GFRA3: variants seen among roughly 807,000 people sequenced by gnomAD.
The protein encoded by GFRA3 is GDNF family receptor alpha 3, also known as GDNF family receptor alpha-3.
A neutral mutation model predicts 40.0 loss-of-function variants in GFRA3; 24 were observed. The ratio of observed to expected loss-of-function variants is 0.60; its 90% CI spans 0.43 to 0.84. The LOEUF (loss-of-function observed/expected upper bound fraction) is 0.84. Among genes scored for constraint, GFRA3 ranks in the 40% least tolerant of loss-of-function variants. The pLI is 0.00. For missense variants in GFRA3, 405 were observed against 530.6 expected, an observed-to-expected ratio of 0.76 and a Z score of 2.33; for synonymous variants, 203 against 213.5, an observed-to-expected ratio of 0.95 and a Z score of 0.43.
intron 3 of GFRA3, among the ~76,000 whole-genome samples, chr5:138,259,107 C>T (rs1392508836): frequency 6.6e-6 from 1 of 152,150 alleles, no homozygotes; most frequent in African/African-American, 2.4e-5. Context: ...CCTGAGTCAC[C>T]CCGTGCAGAG....
In GFRA3 at chr5:138,257,855, T is replaced by C. The variant is rs1489878340; in HGVS notation, c.569A>G (p.His190Arg). 1 of 1,613,826 alleles carries C rather than the reference T, an allele frequency of 6.2e-7. No individual in the cohort carries two copies. Among genetic ancestry groups the C allele is most frequent in the Admixed American group, 1.7e-5 (1 of 59,998 alleles). The change falls in exon 4 of 8, where the codon CAC becomes CGC. Residue 190 changes from histidine (H) to arginine (R), a missense_variant. Coordinates refer to ENST00000274721, the MANE Select transcript of GFRA3 (RefSeq NM_001496.4). ...KAYGEACSGP[H>R]CQRHVCLRQL... ...CCTGAGGCAGACGTGGCGCTGGCAG[T>C]GGGGCCCGGAGCACGCCTCCCCGTA...
At chr5:138,270,781 A>G (rs569165718) in intron 1 of GFRA3, among the ~76,000 whole-genome samples, 61 of 152,266 alleles carry the variant, frequency 4.0e-4, no homozygotes, top group Admixed American at 1.2e-3. Context: ...ATAATTTTAC[A>G]TGTACAAGAT....
At chr5:138,259,790 C>G in intron 2 of GFRA3, 141 bp from the exon 3 acceptor site, 1 of 672,196 alleles carries the variant, frequency 1.5e-6, no homozygotes. Flanking sequence ...GCAAGCTGTG[C>G]AAAGATGAGA....
intron 1 of GFRA3, among the ~76,000 whole-genome samples, chr5:138,269,499 G>A (rs1157756075): frequency 6.6e-6 from 1 of 150,830 alleles, no homozygotes; most frequent in Non-Finnish European, 1.5e-5. Context: ...TCAAGCCATT[G>A]CACTGAAGCC....
chr5:138,273,930 C>T (rs1755911664), intron 1 of GFRA3, among the ~76,000 whole-genome samples: 1 of 152,164 alleles, frequency 6.6e-6, no homozygotes, highest in African/African-American at 2.4e-5. Flanking sequence ...GTCCTTAAAG[C>T]AGATGGAAGA....
intron 1 of GFRA3, among the ~76,000 whole-genome samples, chr5:138,265,028 A>G (rs1413878321): frequency 6.6e-6 from 1 of 152,100 alleles, no homozygotes; most frequent in Non-Finnish European, 1.5e-5. Flanking sequence ...GGGTTGGGGT[A>G]GAGAGCTAAT....
intron 3 of GFRA3, among the ~76,000 whole-genome samples, chr5:138,258,330 G>A (rs1755664480): frequency 6.6e-6 from 1 of 151,422 alleles, no homozygotes; most frequent in South Asian, 2.1e-4. Context: ...ACACGCATGC[G>A]CCACGACGCC....
rs1177884130 is a variant in GFRA3 at position 138,266,841 on chromosome 5, T to TCAGCTA, written c.92-2299_92-2294dup. ...GGACTACAGGCACCCGCCACAATGC[T>TCAGCTA]CAGCTAATTTTTGTACTTTTAGTAG... On this transcript the variant is annotated intron_variant, in intron 1 of 7. Transcript: ENST00000274721. Among the ~76,000 whole-genome samples, 18 of 151,664 alleles carry TCAGCTA rather than the reference T, an allele frequency of 1.2e-4. No homozygotes were observed. The South Asian group carries it at 3.1e-3, about 26-fold the overall frequency.
At chr5:138,260,964 T>A (rs779844110) in intron 2 of GFRA3, among the ~76,000 whole-genome samples, 20 of 152,144 alleles carry the variant, frequency 1.3e-4, no homozygotes, top group Non-Finnish European at 2.5e-4. Context: ...GAGGCTGCAG[T>A]GAGCTATGAC....
chr5:138,269,758 G>A (rs570629100), intron 1 of GFRA3, among the ~76,000 whole-genome samples: 12 of 145,916 alleles, frequency 8.2e-5, no homozygotes, highest in Middle Eastern at 4.0e-3. Flanking sequence ...CAGGAGAATC[G>A]CTTGAACCTG....
At chr5:138,271,907 T>TGTGTGTGTGTGAG in intron 1 of GFRA3, among the ~76,000 whole-genome samples, 1 of 98,588 alleles carries the variant, frequency 1.0e-5, no homozygotes, top group Non-Finnish European at 2.2e-5. Context: ...TTTTTTTTTT[T>TGTGTGTGTGTGAG]TTTTTTTGTG....
intron 1 of GFRA3, among the ~76,000 whole-genome samples, chr5:138,268,857 G>A (rs1755825087): frequency 6.6e-6 from 1 of 151,014 alleles, no homozygotes; most frequent in South Asian, 2.1e-4. Context: ...CCTGGGAGGC[G>A]GAGCTTGCAG....
At chr5:138,269,397 G>A (rs1360777776) in intron 1 of GFRA3, among the ~76,000 whole-genome samples, 2 of 151,898 alleles carry the variant, frequency 1.3e-5, no homozygotes, top group Non-Finnish European at 2.9e-5. Context: ...TTAGCCAGGT[G>A]TGGAGGCGGG....
rs540183998 is a variant in GFRA3, at chr5:138,263,313, T to C, written c.379+948A>G. ...CTTTTAGGGCATCTTCCATGGAAAA[T>C]AGGTGGGTATATTTTACTTGCAGAA... On this transcript the variant is annotated intron_variant, in intron 2 of 7. Coordinates refer to ENST00000274721, the MANE Select transcript of GFRA3 (RefSeq NM_001496.4). Among the ~76,000 whole-genome samples the C allele has an allele frequency of 5.9e-5, 9 of 152,152 alleles. No individual in the cohort carries two copies. In the South Asian group the frequency reaches 8.3e-4, roughly 14 times the overall value.
chr5:138,260,641 T>C (rs1755696610), intron 2 of GFRA3, among the ~76,000 whole-genome samples: 1 of 152,056 alleles, frequency 6.6e-6, no homozygotes, highest in Non-Finnish European at 1.5e-5. Flanking sequence ...TGGTGGCGCA[T>C]GCCTGTAATC....
chr5:138,260,674 T>C (rs1432312900), intron 2 of GFRA3, among the ~76,000 whole-genome samples: 2 of 151,448 alleles, frequency 1.3e-5, no homozygotes, highest in Non-Finnish European at 2.9e-5. Context: ...GAGGCTGAGG[T>C]GGGAGAATCA....
At chr5:138,274,282 C>T in intron 1 of GFRA3, 52 bp downstream of exon 1, 4 of 1,317,458 alleles carry the variant, frequency 3.0e-6, no homozygotes, top group Non-Finnish European at 2.9e-6. Flanking sequence ...TCGCCTACAC[C>T]TCACCTCCCC....
rs572426530 is a variant in GFRA3 at position 138,267,515 on chromosome 5, G to C, written c.92-2967C>G. 18 of 166,310 alleles carry C rather than the reference G, an allele frequency of 1.1e-4. No individual in the cohort carries two copies. In the South Asian group the frequency reaches 2.8e-3, roughly 26 times the overall value. 10.3% of individuals were successfully genotyped at this position (166,310 alleles called of 1,614,324 possible). On this transcript the variant is annotated intron_variant, in intron 1 of 7. Coordinates refer to ENST00000274721, the MANE Select transcript of GFRA3 (RefSeq NM_001496.4). The stretch of plus-strand genomic sequence containing the variant: ...CCTATTCTTTTTGGGAGTAGTTTAA[G>C]ACTTCTTCCTTTTCTTAGGGCCACC...
chr5:138,268,758 C>T (rs888230539), intron 1 of GFRA3, among the ~76,000 whole-genome samples: 6 of 151,692 alleles, frequency 4.0e-5, no homozygotes, highest in Non-Finnish European at 8.8e-5. Context: ...GGTGTGGAGG[C>T]GAGCGCCTGT....
Sources: gnomAD v4.1 joint callset for allele counts (sites outside exome capture counted in the v4.1 genomes callset) on GRCh38, gnomAD v4.1.1 for gene constraint, MANE v1.5 for transcripts, NCBI Gene and HGNC (gene_info 2026-07-23, HGNC 2026-07-21) for gene names.